CCSER1: variants seen among roughly 807,000 people sequenced by gnomAD.
The protein encoded by CCSER1 is coiled-coil serine rich protein 1, also known as serine-rich coiled-coil domain-containing protein 1.
A neutral mutation model predicts 82.0 loss-of-function variants in CCSER1; 41 were observed. The ratio of observed to expected loss-of-function variants is 0.50; its 90% confidence interval spans 0.39 to 0.65. The LOEUF is 0.65. Ranked by LOEUF, CCSER1 falls within the 30% of genes least tolerant of loss-of-function variation. The pLI, the probability that CCSER1 is intolerant of heterozygous loss-of-function variation, is 0.00. For synonymous variants in CCSER1, 414 were observed against 383.9 expected (o/e 1.08, Z -0.92); for missense variants, 1,119 against 1,064.2 (o/e 1.05, Z -0.72).
intron 1 of CCSER1, among the ~76,000 whole-genome samples, chr4:90,177,461 C>T (rs1173619257): frequency 1.3e-5 from 2 of 152,084 alleles, no homozygotes; most frequent in African/African-American, 2.4e-5. Context: ...TGGGTTGCCC[C>T]TGTTTGAGGA....
intron 6 of CCSER1, among the ~76,000 whole-genome samples, chr4:90,711,175 G>A (rs1207601444): frequency 6.6e-6 from 1 of 152,066 alleles, no homozygotes; most frequent in Non-Finnish European, 1.5e-5. Flanking sequence ...TTTACACATT[G>A]ATTTTGTATC....
chr4:90,371,475 A>G (rs973998532), intron 3 of CCSER1, among the ~76,000 whole-genome samples: 12 of 152,162 alleles, frequency 7.9e-5, no homozygotes, highest in African/African-American at 2.9e-4. Context: ...ATTATTCAAA[A>G]TATGAGTGGG....
intron 7 of CCSER1, among the ~76,000 whole-genome samples, chr4:90,744,686 C>G (rs764761196): frequency 6.6e-6 from 1 of 152,118 alleles, no homozygotes; most frequent in Non-Finnish European, 1.5e-5. Context: ...ACCACCTGAG[C>G]TCTGCCTCCA....
chr4:91,515,488 A>G (rs1484773806), intron 10 of CCSER1, among the ~76,000 whole-genome samples: 1 of 152,152 alleles, frequency 6.6e-6, no homozygotes, highest in Non-Finnish European at 1.5e-5. Context: ...AGTTTACTTA[A>G]GATAATGGCT....
chr4:91,368,206 G>A lies in CCSER1; in HGVS notation c.2218-230366G>A, dbSNP rs188618694. Among the ~76,000 whole-genome samples, 165 of 152,056 alleles carry A rather than the reference G, an allele frequency of 1.1e-3. 1 individual carries two copies. Among genetic ancestry groups the A allele is most frequent in the Admixed American group, 9.4e-3 (143 of 15,254 alleles). On this transcript the variant is annotated intron_variant, in intron 10 of 10. Transcript: ENST00000509176. ...ACTAAAACTTTTATGATAACCATGT[G>A]GTCAGATCCATAACTTACACTGAAG...
At chr4:91,354,370 A>G (rs867457528) in intron 10 of CCSER1, among the ~76,000 whole-genome samples, 1 of 152,252 alleles carries the variant, frequency 6.6e-6, no homozygotes, top group African/African-American at 2.4e-5. Context: ...AATGGTGCCA[A>G]TTATACAGCT....
At chr4:90,359,867 A>G (rs1745006923) in intron 3 of CCSER1, among the ~76,000 whole-genome samples, 1 of 126,762 alleles carries the variant, frequency 7.9e-6, no homozygotes, top group African/African-American at 3.2e-5. Flanking sequence ...ATATATGTGT[A>G]TATATATGTG....
intron 3 of CCSER1, among the ~76,000 whole-genome samples, chr4:90,343,935 A>G (rs994763391): frequency 6.6e-6 from 1 of 152,124 alleles, no homozygotes; most frequent in Admixed American, 6.5e-5. Context: ...GAATTAAATT[A>G]TTGACTATAA....
intron 4 of CCSER1, among the ~76,000 whole-genome samples, chr4:90,447,705 A>G (rs1760846726): frequency 6.6e-6 from 1 of 152,194 alleles, no homozygotes; most frequent in African/African-American, 2.4e-5. Flanking sequence ...ACAAGCAAAC[A>G]CCTAACAAAA....
At chr4:90,624,634 T>G (rs1722946276) in intron 5 of CCSER1, among the ~76,000 whole-genome samples, 1 of 152,214 alleles carries the variant, frequency 6.6e-6, no homozygotes, top group African/African-American at 2.4e-5. Flanking sequence ...TTAAATGTGT[T>G]AAGTATCAGT....
At chr4:91,041,652 A>G (rs1274012489) in intron 9 of CCSER1, among the ~76,000 whole-genome samples, 1 of 152,154 alleles carries the variant, frequency 6.6e-6, no homozygotes, top group Non-Finnish European at 1.5e-5. Context: ...TCAAAGTAAA[A>G]GAAAAAAAAA....
At chr4:91,012,920 A>G (rs1156754190) in intron 9 of CCSER1, among the ~76,000 whole-genome samples, 1 of 133,636 alleles carries the variant, frequency 7.5e-6, no homozygotes, top group African/African-American at 2.5e-5. Context: ...CCATTTCCCC[A>G]CAAGAAGAAG....
chr4:90,484,190 C>G (rs1766586823), intron 5 of CCSER1, among the ~76,000 whole-genome samples: 1 of 150,000 alleles, frequency 6.7e-6, no homozygotes, highest in South Asian at 2.1e-4. Flanking sequence ...GTGCATTCAT[C>G]ACGTAGTTCT....
intron 7 of CCSER1, among the ~76,000 whole-genome samples, chr4:90,739,014 C>G (rs1425917070): frequency 6.6e-6 from 1 of 152,196 alleles, no homozygotes; most frequent in East Asian, 1.9e-4. Context: ...TTTTTCCTTC[C>G]TCTCTTCTTC....
intron 10 of CCSER1, among the ~76,000 whole-genome samples, chr4:91,202,812 C>CATATATATGTG (rs1736037700): frequency 6.6e-6 from 1 of 150,970 alleles, no homozygotes; most frequent in Admixed American, 6.6e-5. Context: ...GATATACACA[C>CATATATATGTG]TGTCTTTTTA....
chr4:90,787,532 TTATC>T (rs1357490663), intron 7 of CCSER1, among the ~76,000 whole-genome samples: 3 of 152,258 alleles, frequency 2.0e-5, no homozygotes, highest in Non-Finnish European at 4.4e-5. Context: ...ACAATGCTGG[TTATC>T]TGTCATGTGG....
At chr4:91,154,047 G>A (rs946421238) in intron 10 of CCSER1, among the ~76,000 whole-genome samples, 3 of 151,900 alleles carry the variant, frequency 2.0e-5, no homozygotes, top group Non-Finnish European at 4.4e-5. Flanking sequence ...TGTCAGACTG[G>A]GACATTTAAG....
intron 9 of CCSER1, among the ~76,000 whole-genome samples, chr4:90,963,791 T>C (rs962832944): frequency 1.3e-5 from 2 of 152,218 alleles, no homozygotes; most frequent in African/African-American, 4.8e-5. Flanking sequence ...TGGTATTTTG[T>C]TGTGGCTGCC....
At chr4:91,149,243 C>T (rs149224361) in intron 10 of CCSER1, among the ~76,000 whole-genome samples, 1,800 of 152,306 alleles carry the variant, frequency 0.012, 36 homozygotes, top group African/African-American at 0.04. Flanking sequence ...TGATGATGAG[C>T]ATTTGTTCAT....
Sources: allele counts gnomAD v4.1 joint callset (sites outside exome capture counted in the v4.1 genomes callset), GRCh38; gene constraint gnomAD v4.1.1; transcripts MANE v1.5; gene names NCBI Gene and HGNC (gene_info 2026-07-23, HGNC 2026-07-21).